Variants in SYN3 observed in about 807,000 individuals in gnomAD.
SYN3 encodes the protein synapsin-3.
SYN3 carries 35 observed loss-of-function variants against 65.8 expected under a neutral mutation model. The ratio of observed to expected loss-of-function variants is 0.53; its 90% CI spans 0.41 to 0.70. SYN3 has a LOEUF of 0.70. SYN3 is among the 30% of genes least tolerant of loss of function. SYN3 has a pLI of 0.00. For missense variants in SYN3, 680 were observed against 749.0 expected (o/e 0.91, Z 1.08); for synonymous variants, 270 against 292.9 (o/e 0.92, Z 0.80).
rs2146021505 is a variant in SYN3, at chr22:32,508,423, G to T, written c.*5269C>A. 6.6e-6 allele frequency among the ~76,000 whole-genome samples: 1 copy of T among 152,166 alleles called. No individual in the cohort carries two copies. Among genetic ancestry groups the T allele is most frequent in the Non-Finnish European group, 1.5e-5 (1 of 68,008 alleles). ...CTGACTCTCTTTTCGGACTCATCCGGCCTGCACCCAGGTGAAATAAACAGC... is the reference window on the plus strand; with the variant it reads ...CTGACTCTCTTTTCGGACTCATCCGTCCTGCACCCAGGTGAAATAAACAGC... On this transcript the variant is annotated 3_prime_UTR_variant, in exon 14 of 14. Coordinates refer to ENST00000358763, the MANE Select transcript of SYN3 (RefSeq NM_003490.4).
At chr22:32,924,402 C>G (rs1026461693) in intron 4 of SYN3, among the ~76,000 whole-genome samples, 1 of 152,188 alleles carries the variant, frequency 6.6e-6, no homozygotes, top group African/African-American at 2.4e-5. Flanking sequence ...TAAATCTCAA[C>G]AGCCATATGG....
At chr22:32,851,394 G>A (rs2048213874) in intron 6 of SYN3, among the ~76,000 whole-genome samples, 1 of 152,062 alleles carries the variant, frequency 6.6e-6, no homozygotes, top group African/African-American at 2.4e-5. Context: ...TGGACATAAT[G>A]TCCCATTCCC....
At chr22:32,751,193 G>A (rs1259972344) in intron 6 of SYN3, among the ~76,000 whole-genome samples, 2 of 151,982 alleles carry the variant, frequency 1.3e-5, no homozygotes, top group Non-Finnish European at 2.9e-5. Context: ...CAAAGTGGAG[G>A]GGGTGTTTCA....
intron 6 of SYN3, among the ~76,000 whole-genome samples, chr22:32,763,270 T>C (rs4821098): frequency 0.78 from 119,098 of 151,930 alleles, 47,520 homozygotes; most frequent in African/African-American, 0.94. Context: ...CCTCAGCTTC[T>C]CGAGTAGCTG....
At chr22:32,578,166 C>A (rs957263757) in intron 7 of SYN3, among the ~76,000 whole-genome samples, 1 of 151,516 alleles carries the variant, frequency 6.6e-6, no homozygotes, top group African/African-American at 2.4e-5. Context: ...TCTTTCTTTC[C>A]TTTTCTTTTC....
intron 6 of SYN3, chr22:32,783,261 T>A (rs970530590): frequency 6.6e-6 from 1 of 152,202 alleles, no homozygotes; most frequent in African/African-American, 2.4e-5. Flanking sequence ...ATAACAGACC[T>A]GTGGCCTCAG....
Position 32,570,948 on chromosome 22 carries a change from G to A in SYN3, c.774+25726C>T, listed in dbSNP as rs2058751105. ...CAAGGTGTATTAGGAAAAATTATCT[G>A]GCCCATAAAACTCATAATCTATGGT... On this transcript the variant is annotated intron_variant, in intron 7 of 13. Transcript: ENST00000358763. Among the ~76,000 whole-genome samples, 4 of 152,116 alleles carry A rather than the reference G, an allele frequency of 2.6e-5. No individual in the cohort carries two copies. The South Asian group carries it at 8.3e-4, about 32-fold the overall frequency.
intron 3 of SYN3, among the ~76,000 whole-genome samples, chr22:32,943,074 C>A (rs898539367): frequency 1.1e-4 from 16 of 152,270 alleles, no homozygotes; most frequent in African/African-American, 3.6e-4. Context: ...GGCCAACATT[C>A]AAATTCAGGA....
chr22:32,662,154 G>A lies in SYN3; in HGVS notation c.712-65418C>T, dbSNP rs921528684. 2.6e-5 allele frequency among the ~76,000 whole-genome samples: 4 copies of A among 152,248 alleles called. No individual in the cohort carries two copies. In the East Asian group the frequency reaches 7.7e-4, roughly 29 times the overall value. On this transcript the variant is annotated intron_variant, in intron 6 of 13. Coordinates refer to ENST00000358763, the MANE Select transcript of SYN3 (RefSeq NM_003490.4). ...TGTAGCATGTGAATTAATGTCCACA[G>A]GTTTCCAGGTATTCCCCCTATGCAT... is the stretch of plus-strand genomic sequence containing the variant.
At chr22:32,954,942 C>CTTT (rs770971735) in intron 3 of SYN3, among the ~76,000 whole-genome samples, 133 of 118,940 alleles carry the variant, frequency 1.1e-3, no homozygotes, top group Middle Eastern at 4.7e-3. Flanking sequence ...TTTTCCTTTT[C>CTTT]TTTTTTTTTT....
At chr22:33,043,578 G>C (rs1399804351) in intron 1 of SYN3, among the ~76,000 whole-genome samples, 4 of 151,998 alleles carry the variant, frequency 2.6e-5, no homozygotes, top group Non-Finnish European at 4.4e-5. Context: ...ATAAATAAAA[G>C]CACAAGCCAT....
Position 32,508,518 on chromosome 22 carries a change from A to C in SYN3, c.*5174T>G, listed in dbSNP as rs12166227. Among the ~76,000 whole-genome samples, 32,218 of 151,896 alleles carry C rather than the reference A, an allele frequency of 0.21. 3,752 individuals are homozygous for C. The highest frequency in any genetic ancestry group is 0.29 in the African/African-American group (11,838 of 41,326). On this transcript the variant is annotated 3_prime_UTR_variant, in exon 14 of 14. Coordinates refer to ENST00000358763, the MANE Select transcript of SYN3 (RefSeq NM_003490.4). ...CGCGCATGAAAGGGGCCCCAAGGAG[A>C]GGTCTCATGTTCTCATTCTGCCTCC... is the stretch of plus-strand genomic sequence containing the variant.
chr22:32,839,458 AC>A (rs543725931), intron 6 of SYN3, among the ~76,000 whole-genome samples: 105 of 152,160 alleles, frequency 6.9e-4, no homozygotes, highest in African/African-American at 2.4e-3. Flanking sequence ...GCCTCATTGG[AC>A]CCTTAGAAAC....
intron 6 of SYN3, among the ~76,000 whole-genome samples, chr22:32,649,650 T>C (rs1038958642): frequency 6.6e-6 from 1 of 152,160 alleles, no homozygotes; most frequent in Admixed American, 6.6e-5. Flanking sequence ...GGCCCAAGGC[T>C]GGTCCCATCT....
chr22:33,009,751 A>AACAC (rs58156623), intron 1 of SYN3, among the ~76,000 whole-genome samples: 15,010 of 141,068 alleles, frequency 0.11, 810 homozygotes, highest in Non-Finnish European at 0.11. Flanking sequence ...TACGTATCTA[A>AACAC]ACACACACAC....
chr22:32,662,891 C>A (rs5994595), intron 6 of SYN3, among the ~76,000 whole-genome samples: 10,374 of 152,208 alleles, frequency 0.068, 402 homozygotes, highest in African/African-American at 0.092. Context: ...CAAAGTATCC[C>A]CATTTTACAG....
chr22:32,859,713 T>C, intron 6 of SYN3: 3 of 311,826 alleles, frequency 9.6e-6, no homozygotes, highest in Non-Finnish European at 1.8e-5. Flanking sequence ...CTACTCCATT[T>C]GAGGATTGTA....
At chr22:33,024,281 C>T (rs5994654) in intron 1 of SYN3, among the ~76,000 whole-genome samples, 24,234 of 152,138 alleles carry the variant, frequency 0.16, 2,255 homozygotes, top group Non-Finnish European at 0.21. Context: ...AGACCTATGG[C>T]TTTTTTAATG....
intron 6 of SYN3, chr22:32,857,871 G>A (rs1281214210): frequency 2.4e-6 from 3 of 1,233,406 alleles, no homozygotes; most frequent in Non-Finnish European, 2.4e-6. Context: ...TTTAAAAGGT[G>A]TTGGGTAGGG....
Sources: gnomAD v4.1 joint callset for allele counts (sites outside exome capture counted in the v4.1 genomes callset) on GRCh38, gnomAD v4.1.1 for gene constraint, MANE v1.5 for transcripts, NCBI Gene and HGNC (gene_info 2026-07-23, HGNC 2026-07-21) for gene names.